Variants in COPS9 observed in about 807,000 individuals in gnomAD.
The protein encoded by COPS9 is COP9 signalosome subunit 9, also known as COP9 signalosome complex subunit 9.
COPS9 carries 8 observed loss-of-function variants against 7.2 expected under a neutral mutation model. The ratio of observed to expected loss-of-function variants is 1.11; its 90% CI spans 0.65 to 2.00. The LOEUF (loss-of-function observed/expected upper bound fraction) is 2.00, where lower values mean the gene tolerates loss of function less well. Among genes scored for constraint, COPS9 ranks in the 30% most tolerant of loss-of-function variants. COPS9 has a pLI of 0.00. For missense variants in COPS9, 74 were observed against 77.7 expected (o/e 0.95, Z 0.18); for synonymous variants, 39 against 28.7 (o/e 1.36, Z -1.14).
intron 1 of COPS9, chr2:240,134,383 T>C: frequency 5.3e-6 from 1 of 187,778 alleles, no homozygotes; most frequent in Non-Finnish European, 1.1e-5. Flanking sequence ...CAGGATCCCT[T>C]CCCTCTCTCT....
downstream of COPS9, chr2:240,126,855 A>G (rs142104600): frequency 6.4e-5 from 104 of 1,614,162 alleles, no homozygotes; most frequent in Middle Eastern, 1.3e-3. Context: ...TCTGGTAAAC[A>G]TTAGCGCCTC....
rs2071937262 is a variant in COPS9 at position 240,132,989 on chromosome 2, C to T, written c.136+944G>A. On this transcript the variant is annotated intron_variant, in intron 2 of 2. Transcript: ENST00000607357. The surrounding 1 kb of genome is among the most constrained non-coding windows in gnomAD (Gnocchi z 4.1). ...ATGCTGCCTCAGGGGCATGGCCAGG[C>T]ACCCTGGGAAAGCCTGCACCCCAAC... 6.6e-6 allele frequency among the ~76,000 whole-genome samples: 1 copy of T among 152,256 alleles called. No homozygotes were observed. Among genetic ancestry groups the T allele is most frequent in the Non-Finnish European group, 1.5e-5 (1 of 68,042 alleles).
intron 1 of COPS9, chr2:240,135,901 G>C: frequency 2.6e-6 from 1 of 391,390 alleles, no homozygotes; most frequent in East Asian, 4.4e-5. Context: ...TGCAGCCATC[G>C]AAGAGCAGCA....
chr2:240,133,096 G>C (rs918641039), intron 2 of COPS9, among the ~76,000 whole-genome samples: 1 of 152,310 alleles, frequency 6.6e-6, no homozygotes, highest in South Asian at 2.1e-4. Flanking sequence ...GATGGCAGGG[G>C]GTCTCTGGTA....
chr2:240,133,050 C>G (rs79149674), intron 2 of COPS9, among the ~76,000 whole-genome samples: 2,356 of 152,322 alleles, frequency 0.015, 44 homozygotes, highest in East Asian at 0.089. Flanking sequence ...GCAATGGCTG[C>G]CTGACAGTAA....
rs80348135 is a variant in COPS9 at position 240,132,058 on chromosome 2, C to T, written c.137-970G>A. Among the ~76,000 whole-genome samples the T allele has an allele frequency of 0.016, 2,402 of 152,284 alleles. 41 individuals are homozygous for T. Among genetic ancestry groups the T allele is most frequent in the East Asian group, 0.088 (455 of 5,160 alleles). On this transcript the variant is annotated intron_variant, in intron 2 of 2. Transcript: ENST00000607357. The surrounding 1 kb of genome is among the most constrained non-coding windows in gnomAD (Gnocchi z 4.1). ...TGGTTCGCCGCTAGGAGCACTTTTG[C>T]GCAGTCCTGGGCCTGGCTGACTCCA...
At chr2:240,129,698 C>T (rs951531603), downstream of COPS9, among the ~76,000 whole-genome samples, 3 of 152,208 alleles carry the variant, frequency 2.0e-5, no homozygotes, top group Non-Finnish European at 4.4e-5. Context: ...TTGAGGAATC[C>T]ACTCATGAAA....
downstream of COPS9, chr2:240,126,763 G>A (rs760032760): frequency 2.0e-5 from 32 of 1,614,034 alleles, no homozygotes; most frequent in Admixed American, 5.0e-5. Flanking sequence ...TGGTTCTTCC[G>A]TAAACTGTTT....
chr2:240,127,965 A>G (rs1331859440), downstream of COPS9, among the ~76,000 whole-genome samples: 3 of 152,102 alleles, frequency 2.0e-5, no homozygotes, highest in Non-Finnish European at 4.4e-5. Context: ...CCCAGGAACC[A>G]TTAAAACCAT....
chr2:240,127,191 AGAGCATTTCC>A (rs1198381722), downstream of COPS9, among the ~76,000 whole-genome samples: 2 of 152,270 alleles, frequency 1.3e-5, no homozygotes, highest in East Asian at 1.9e-4. Flanking sequence ...GGGCACTGCC[AGAGCATTTCC>A]GAGCATTTCC....
intron 1 of COPS9, 49 bp downstream of exon 1, chr2:240,136,173 C>A: frequency 6.8e-7 from 1 of 1,461,986 alleles, no homozygotes; most frequent in South Asian, 1.4e-5. Flanking sequence ...CCTTCCGCTC[C>A]CCCTTCCCCG....
intron 2 of COPS9, 133 bp from the exon 3 acceptor site, chr2:240,131,221 C>CCCGTAACAGACTTTCAGTTT (rs2071919003): frequency 3.7e-6 from 4 of 1,093,196 alleles, no homozygotes; most frequent in Non-Finnish European, 5.3e-6. Context: ...AAAGACTTTT[C>CCCGTAACAGACTTTCAGTTT]CCGTAACAGA....
chr2:240,134,698 T>C (rs939362900), intron 1 of COPS9, among the ~76,000 whole-genome samples: 4 of 152,148 alleles, frequency 2.6e-5, no homozygotes, highest in Admixed American at 2.0e-4. Flanking sequence ...CCCACATAGC[T>C]GCATGCCCTT....
chr2:240,129,356 G>A (rs1369839623), downstream of COPS9, among the ~76,000 whole-genome samples: 1 of 152,096 alleles, frequency 6.6e-6, no homozygotes, highest in African/African-American at 2.4e-5. Flanking sequence ...ATAGAGAGGG[G>A]GGTCTCGTTC....
chr2:240,127,661 C>G (rs1295254538), downstream of COPS9, among the ~76,000 whole-genome samples: 1 of 152,086 alleles, frequency 6.6e-6, no homozygotes, highest in African/African-American at 2.4e-5. Flanking sequence ...TGAGAGAGAC[C>G]CCATGCCTCT....
downstream of COPS9, chr2:240,129,973 G>A (rs765933574): frequency 9.9e-6 from 16 of 1,613,992 alleles, no homozygotes; most frequent in Middle Eastern, 4.9e-4. Context: ...GACTGCCCTC[G>A]CTGCAGTGCG....
chr2:240,134,984 C>T (rs1245177816), intron 1 of COPS9, among the ~76,000 whole-genome samples: 2 of 81,240 alleles, frequency 2.5e-5, no homozygotes, highest in Admixed American at 1.2e-4. Context: ...CTCCACATCG[C>T]CTAGGACTGT....
At position 240,132,694 on chromosome 2, in the gene COPS9, A is replaced by T. The variant is rs1160698234; in HGVS notation, c.136+1239T>A. On this transcript the variant is annotated intron_variant, in intron 2 of 2. Transcript: ENST00000607357. This position sits in a 1 kb window ranked among gnomAD's most constrained non-coding sequence, Gnocchi z 4.1. ...GAGGATAAATGGGACTTTGAAGGAG[A>T]TCATCAAAATGCAAGCGTGTGGTGC... is the stretch of plus-strand genomic sequence containing the variant. Among the ~76,000 whole-genome samples the T allele has an allele frequency of 2.0e-5, 3 of 152,142 alleles. No individual in the cohort carries two copies.
At chr2:240,133,823 C>T in intron 2 of COPS9, 110 bp downstream of exon 2, 1 of 1,087,564 alleles carries the variant, frequency 9.2e-7, no homozygotes, top group Non-Finnish European at 1.4e-6. Flanking sequence ...AGCGCAGGGG[C>T]TCTACCACCT....
Sources: gnomAD v4.1 joint callset for allele counts (sites outside exome capture counted in the v4.1 genomes callset) on GRCh38, gnomAD v4.1.1 for gene constraint, Gnocchi (gnomAD v3.1) non-coding constraint, MANE v1.5 for transcripts, NCBI Gene and HGNC (gene_info 2026-07-23, HGNC 2026-07-21) for gene names.